Variants in CHST10 observed in about 807,000 individuals in gnomAD.
CHST10 encodes carbohydrate sulfotransferase 10.
Under a neutral mutation model 34.7 loss-of-function variants are expected in CHST10, and 24 were observed. The observed-to-expected ratio is 0.69, with a 90% confidence interval of 0.50 to 0.97. The LOEUF (loss-of-function observed/expected upper bound fraction) is 0.97. Among genes scored for constraint, CHST10 ranks in the 50% least tolerant of loss-of-function variants. The pLI is 0.00. For synonymous variants in CHST10, 161 were observed against 169.3 expected, an observed-to-expected ratio of 0.95 and a Z score of 0.38; for missense variants, 402 against 452.1, an observed-to-expected ratio of 0.89 and a Z score of 1.00.
intron 1 of CHST10, among the ~76,000 whole-genome samples, chr2:100,415,547 C>T (rs1676031167): frequency 6.6e-6 from 1 of 152,066 alleles, no homozygotes; most frequent in African/African-American, 2.4e-5. Flanking sequence ...CAGAAACAAG[C>T]CAAAGTCATG....
intron 2 of CHST10, chr2:100,408,009 C>T (rs569544652): frequency 6.6e-6 from 1 of 152,216 alleles, no homozygotes; most frequent in East Asian, 1.9e-4. Flanking sequence ...TATACTCCCC[C>T]CCAAAACCAG....
chr2:100,401,023 G>T (rs1315975857), intron 4 of CHST10, among the ~76,000 whole-genome samples: 1 of 152,228 alleles, frequency 6.6e-6, no homozygotes, highest in African/African-American at 2.4e-5. Context: ...TGATCATGTT[G>T]ATAAATCCCC....
At chr2:100,414,315 T>A (rs1168057735) in intron 2 of CHST10, among the ~76,000 whole-genome samples, 1 of 152,082 alleles carries the variant, frequency 6.6e-6, no homozygotes. Flanking sequence ...AGGGATCACA[T>A]GTCCAGGGCT....
At position 100,393,616 on chromosome 2, in the gene CHST10, C is replaced by T; in HGVS notation, c.700G>A (p.Gly234Arg). ...KYRRNRTETR[G>R]IQFEDFVRYL... is the part of the protein sequence containing the mutation. ...CGCACGAAATCTTCAAACTGGATCCCCCGGGTCTCTGTCCGGTTCCTCCTG... is the reference window on the plus strand; with the variant it reads ...CGCACGAAATCTTCAAACTGGATCCTCCGGGTCTCTGTCCGGTTCCTCCTG... Residue 234 changes from glycine (G) to arginine (R), a missense_variant, in exon 7 of 7, where the codon GGG becomes AGG. Transcript: ENST00000264249. The T allele has an allele frequency of 6.2e-7, 1 of 1,614,146 alleles. No individual in the cohort carries two copies. Among genetic ancestry groups the T allele is most frequent in the Non-Finnish European group, 8.5e-7 (1 of 1,180,032 alleles).
In CHST10 at chr2:100,398,058, T is replaced by TGCAGACG; in HGVS notation, c.270_276dup (p.Asp94LeufsTer4). 6.2e-7 allele frequency: 1 copy of TGCAGACG among 1,614,216 alleles called. No homozygotes were observed. The highest frequency in any genetic ancestry group is 8.5e-7 in the Non-Finnish European group (1 of 1,180,036). The stretch of plus-strand genomic sequence containing the variant: ...GAGAGATTCTTCAGGGCATCATCCC[T>TGCAGACG]GCAGACGTTTCTGATGAGTTCCAGG... On this transcript the variant is annotated frameshift_variant, in exon 5 of 7. Coordinates refer to ENST00000264249, the MANE Select transcript of CHST10 (RefSeq NM_004854.5). LOFTEE classifies it high-confidence loss of function.
intron 2 of CHST10, 112 bp from the exon 3 acceptor site, chr2:100,406,819 T>G: frequency 9.6e-6 from 13 of 1,350,112 alleles, no homozygotes; most frequent in African/African-American, 1.5e-5. Flanking sequence ...AATATTTCCG[T>G]TTTTTTCCAC....
intron 3 of CHST10, among the ~76,000 whole-genome samples, 168 bp from the exon 4 acceptor site, chr2:100,402,823 C>G (rs1675404432): frequency 6.6e-6 from 1 of 152,208 alleles, no homozygotes; most frequent in Non-Finnish European, 1.5e-5. Flanking sequence ...ACAAATGGTG[C>G]TGGGGCACCT....
intron 2 of CHST10, 62 bp downstream of exon 2, chr2:100,414,979 G>A: frequency 8.7e-7 from 1 of 1,150,824 alleles, no homozygotes; most frequent in Non-Finnish European, 1.2e-6. Context: ...AAGAAAAAAG[G>A]CAGGAACAAT....
At chr2:100,409,916 G>T (rs1046462039) in intron 2 of CHST10, among the ~76,000 whole-genome samples, 2 of 152,168 alleles carry the variant, frequency 1.3e-5, no homozygotes, top group Non-Finnish European at 2.9e-5. Context: ...GAGAAGGGTG[G>T]ACTGCAGGGT....
rs28372937 is a variant in CHST10 at position 100,394,306 on chromosome 2, G to A, written c.534-524C>T. ...AGGAGCAGGTCTGGGTGAGCTGCAAGCGGGCGGCAGCAGAGCATGGCCCTG... is the reference window on the plus strand; with the variant it reads ...AGGAGCAGGTCTGGGTGAGCTGCAAACGGGCGGCAGCAGAGCATGGCCCTG... On this transcript the variant is annotated intron_variant, in intron 6 of 6. Transcript: ENST00000264249. 9.3e-4 allele frequency among the ~76,000 whole-genome samples: 141 copies of A among 152,306 alleles called. 2 individuals are homozygous for A. In the East Asian group the frequency reaches 0.025, roughly 27 times the overall value.
intron 3 of CHST10, among the ~76,000 whole-genome samples, chr2:100,403,759 T>TG (rs1675442177): frequency 6.6e-6 from 1 of 152,214 alleles, no homozygotes; most frequent in Admixed American, 6.5e-5. Context: ...TGTTATTTCC[T>TG]GGTCTTGACA....
chr2:100,393,797 GAAC>G lies in CHST10; in HGVS notation c.534-18_534-16del, dbSNP rs1558632176. Reference sequence around the variant, plus strand: ...ATGTTTTCAATCTAAGGAAAAAAACGAACAAGAGGTTAACTTGATGCCACAGGA... The same window carrying G: ...ATGTTTTCAATCTAAGGAAAAAAACGAAGAGGTTAACTTGATGCCACAGGA... On this transcript the variant is annotated splice_polypyrimidine_tract_variant and intron_variant, in intron 6 of 6. Transcript: ENST00000264249. 2 of 1,596,650 alleles carry G rather than the reference GAAC, an allele frequency of 1.3e-6. No individual in the cohort carries two copies. Among genetic ancestry groups the G allele is most frequent in the Non-Finnish European group, 1.7e-6 (2 of 1,174,800 alleles).
intron 5 of CHST10, 47 bp downstream of exon 5, chr2:100,397,861 G>A (rs559053642): frequency 2.9e-5 from 43 of 1,497,974 alleles, no homozygotes; most frequent in Middle Eastern, 1.8e-4. Flanking sequence ...CCTCAGCACC[G>A]GCCACCAAGA....
intron 4 of CHST10, among the ~76,000 whole-genome samples, 200 bp downstream of exon 4, chr2:100,402,362 CTG>C (rs1675378860): frequency 1.3e-5 from 2 of 152,162 alleles, no homozygotes; most frequent in South Asian, 4.1e-4. Flanking sequence ...GCACAGAGCT[CTG>C]TGAGGGGCAC....
At chr2:100,401,162 C>T (rs945147901) in intron 4 of CHST10, among the ~76,000 whole-genome samples, 5 of 152,128 alleles carry the variant, frequency 3.3e-5, no homozygotes, top group African/African-American at 7.2e-5. Context: ...ACTGGGGCAG[C>T]GGGTAAGAGA....
At chr2:100,413,406 A>G (rs1675931291) in intron 2 of CHST10, among the ~76,000 whole-genome samples, 1 of 152,178 alleles carries the variant, frequency 6.6e-6, no homozygotes, top group Admixed American at 6.5e-5. Flanking sequence ...TCACAAGTCA[A>G]GATGTCAGGA....
Position 100,395,506 on chromosome 2 carries a change from C to T in CHST10, c.533+3G>A, listed in dbSNP as rs367631108. 40 of 1,611,812 alleles carry T rather than the reference C, an allele frequency of 2.5e-5. No individual in the cohort carries two copies. Among genetic ancestry groups the T allele is most frequent in the African/African-American group, 6.7e-5 (5 of 74,898 alleles). On this transcript the variant is annotated splice_donor_region_variant and intron_variant, in intron 6 of 6. Coordinates refer to ENST00000264249, the MANE Select transcript of CHST10 (RefSeq NM_004854.5). ...CCCTCCCCTTTGAGGAAGCTGTTCT[C>T]ACCGCTTCTGAATTTCTGCATCACT... is the stretch of plus-strand genomic sequence containing the variant.
At chr2:100,404,326 C>G (rs1334364452) in intron 3 of CHST10, among the ~76,000 whole-genome samples, 2 of 152,122 alleles carry the variant, frequency 1.3e-5, no homozygotes, top group Admixed American at 6.5e-5. Flanking sequence ...CTCAGTGACC[C>G]AGCACCCACA....
At chr2:100,409,245 T>C (rs1675717029) in intron 2 of CHST10, among the ~76,000 whole-genome samples, 2 of 152,120 alleles carry the variant, frequency 1.3e-5, no homozygotes, top group Non-Finnish European at 2.9e-5. Context: ...CCAATGGAAC[T>C]AGTCTTCTGA....
Sources: allele counts gnomAD v4.1 joint callset (sites outside exome capture counted in the v4.1 genomes callset), GRCh38; gene constraint gnomAD v4.1.1; transcripts MANE v1.5; gene names NCBI Gene and HGNC (gene_info 2026-07-23, HGNC 2026-07-21).